EPHA3: variants seen among roughly 807,000 people sequenced by gnomAD.
The protein encoded by EPHA3 is EPH receptor A3.
A neutral mutation model predicts 107.1 loss-of-function variants in EPHA3; 42 were observed. The ratio of observed to expected loss-of-function variants is 0.39; its 90% CI spans 0.31 to 0.51. The LOEUF is 0.51. EPHA3 is among the 20% of genes least tolerant of loss of function. The probability of loss-of-function intolerance (pLI) is 0.78; values close to 1 mark genes in which losing one functional copy is unlikely to be tolerated. For synonymous variants in EPHA3, 461 were observed against 424.8 expected, an observed-to-expected ratio of 1.09 and a Z score of -1.05; for missense variants, 1,183 against 1,211.2, an observed-to-expected ratio of 0.98 and a Z score of 0.35.
chr3:89,448,624 A>G (rs982267253), intron 13 of EPHA3, among the ~76,000 whole-genome samples: 1 of 152,192 alleles, frequency 6.6e-6, no homozygotes, highest in Non-Finnish European at 1.5e-5. Context: ...GTGCTTGCCT[A>G]CTATCCAGAA....
intron 3 of EPHA3, among the ~76,000 whole-genome samples, chr3:89,325,966 AT>A (rs1180560720): frequency 6.6e-6 from 1 of 151,222 alleles, no homozygotes; most frequent in Non-Finnish European, 1.5e-5. Flanking sequence ...GAAATCTTTA[AT>A]ATAACCAAAG....
chr3:89,412,405 G>A (rs1051595876), intron 9 of EPHA3, among the ~76,000 whole-genome samples: 4 of 151,146 alleles, frequency 2.6e-5, no homozygotes, highest in East Asian at 3.9e-4. Flanking sequence ...GCTCCTTAGC[G>A]CCATTATTCA....
chr3:89,152,745 T>C (rs975125958), intron 2 of EPHA3, among the ~76,000 whole-genome samples: 1 of 152,088 alleles, frequency 6.6e-6, no homozygotes, highest in Non-Finnish European at 1.5e-5. Context: ...TTAACAAAAA[T>C]GACTGTGAAA....
chr3:89,368,841 C>T (rs995783408), intron 5 of EPHA3, among the ~76,000 whole-genome samples: 3 of 150,486 alleles, frequency 2.0e-5, no homozygotes, highest in African/African-American at 4.8e-5. Context: ...AAACAAAAAA[C>T]GCTTCACCAG....
At chr3:89,191,375 C>T (rs1411253753) in intron 2 of EPHA3, among the ~76,000 whole-genome samples, 2 of 151,678 alleles carry the variant, frequency 1.3e-5, no homozygotes, top group African/African-American at 2.4e-5. Flanking sequence ...GGCACGATCT[C>T]GGCTCACTGC....
intron 3 of EPHA3, among the ~76,000 whole-genome samples, chr3:89,289,005 A>G (rs879330706): frequency 1.3e-4 from 20 of 152,174 alleles, no homozygotes; most frequent in African/African-American, 4.3e-4. Flanking sequence ...TTATATTAAC[A>G]TGGCACCTAC....
At chr3:89,383,861 G>C (rs955223711) in intron 5 of EPHA3, among the ~76,000 whole-genome samples, 1 of 151,590 alleles carries the variant, frequency 6.6e-6, no homozygotes, top group Non-Finnish European at 1.5e-5. Context: ...TGTTAGCCAG[G>C]ATTGTCTCGA....
At chr3:89,240,727 A>C (rs1386743227) in intron 3 of EPHA3, among the ~76,000 whole-genome samples, 2 of 151,974 alleles carry the variant, frequency 1.3e-5, no homozygotes, top group Admixed American at 6.6e-5. Context: ...TATCTAACTA[A>C]ACTATAGAAA....
chr3:89,211,142 G>A (rs1293086452), intron 3 of EPHA3, among the ~76,000 whole-genome samples: 1 of 151,908 alleles, frequency 6.6e-6, no homozygotes. Flanking sequence ...TCGTTTTAGT[G>A]CTCAAAAATT....
chr3:89,396,578 G>A (rs1288620626), intron 6 of EPHA3, among the ~76,000 whole-genome samples: 1 of 152,016 alleles, frequency 6.6e-6, no homozygotes, highest in Non-Finnish European at 1.5e-5. Context: ...TAGTTATGTG[G>A]TTATTTTGCC....
chr3:89,341,905 A>G lies in EPHA3; in HGVS notation c.1121A>G (p.Glu374Gly), dbSNP rs776913752. The G allele has an allele frequency of 2.3e-5, 37 of 1,613,698 alleles. No individual in the cohort carries two copies. Among genetic ancestry groups the G allele is most frequent in the Non-Finnish European group, 3.1e-5 (37 of 1,179,984 alleles). Residue 374 changes from glutamate (E) to glycine (G), a missense_variant, in exon 5 of 17, where the codon GAG (glutamate) becomes GGG (glycine). Glu to Gly is a moderately conservative substitution (Grantham distance 98). Transcript: ENST00000336596. ...KKCGWNIKQCEPCSPNVRFLP... is the reference protein window; with the variant it reads ...KKCGWNIKQCGPCSPNVRFLP... ...TGTGGGTGGAATATAAAACAGTGTG[A>G]GCCATGCAGCCCAAATGTCCGCTTC...
intron 3 of EPHA3, among the ~76,000 whole-genome samples, chr3:89,325,917 A>G (rs1707154787): frequency 6.6e-6 from 1 of 151,234 alleles, no homozygotes; most frequent in Admixed American, 6.6e-5. Flanking sequence ...AGATTTATAT[A>G]CAGTTAAGAT....
At chr3:89,149,097 C>T (rs1704634151) in intron 2 of EPHA3, among the ~76,000 whole-genome samples, 1 of 151,894 alleles carries the variant, frequency 6.6e-6, no homozygotes, top group African/African-American at 2.4e-5. Flanking sequence ...TCCATTGAAA[C>T]AGAAGATACT....
chr3:89,408,201 G>A, intron 9 of EPHA3, 70 bp downstream of exon 9: 5 of 1,447,462 alleles, frequency 3.5e-6, no homozygotes, highest in Non-Finnish European at 4.8e-6. Flanking sequence ...ATTTACAATT[G>A]GTTAACTTCC....
At chr3:89,419,165 A>G (rs777660223) in intron 10 of EPHA3, 40 bp from the exon 11 acceptor site, 3 of 1,523,720 alleles carry the variant, frequency 2.0e-6, no homozygotes, top group Non-Finnish European at 1.8e-6. Flanking sequence ...TTTTTATTAT[A>G]GAATTCCTTA....
At chr3:89,413,394 A>G (rs182009490) in intron 10 of EPHA3, 128 bp downstream of exon 10, 9 of 1,166,290 alleles carry the variant, frequency 7.7e-6, no homozygotes, top group African/African-American at 3.0e-5. Flanking sequence ...CAAGTAATAA[A>G]TAAGTGCAAT....
At position 89,333,485 on chromosome 3, in the gene EPHA3, T is replaced by G. The variant is rs191393145; in HGVS notation, c.815-7431T>G. Reference sequence around the variant, plus strand: ...TCTGGGTGTTTTTTAAAATAAGTTTTGGTGTTTGCTCGATAATGCACAAGC... The same window carrying G: ...TCTGGGTGTTTTTTAAAATAAGTTTGGGTGTTTGCTCGATAATGCACAAGC... On this transcript the variant is annotated intron_variant, in intron 3 of 16. Transcript: ENST00000336596. 1.4e-3 allele frequency among the ~76,000 whole-genome samples: 216 copies of G among 152,324 alleles called. 2 individuals are homozygous for G. The highest frequency in any genetic ancestry group is 0.01 in the Middle Eastern group (3 of 294).
chr3:89,478,364 A>G (rs1327514291), intron 16 of EPHA3, among the ~76,000 whole-genome samples: 1 of 152,226 alleles, frequency 6.6e-6, no homozygotes, highest in Non-Finnish European at 1.5e-5. Context: ...TTTATTATAC[A>G]TCATAGTGTT....
Position 89,179,667 on chromosome 3 carries a change from TA to T in EPHA3, c.154-30178del, listed in dbSNP as rs11391439. ...ATGTTGCCAATATTTTTAAAGTCTG[TA>T]AAAAAAAAAAAAAAGATCTTCAAAA... On this transcript the variant is annotated intron_variant, in intron 2 of 16. Coordinates refer to ENST00000336596, the MANE Select transcript of EPHA3 (RefSeq NM_005233.6). Among the ~76,000 whole-genome samples, 314 of 143,568 alleles carry T rather than the reference TA, an allele frequency of 2.2e-3. 4 individuals carry two copies. In the East Asian group the frequency reaches 0.03, roughly 14 times the overall value. 94.2% of individuals were successfully genotyped at this position (143,568 alleles called of 152,430 possible).
Sources: gnomAD v4.1 joint callset for allele counts (sites outside exome capture counted in the v4.1 genomes callset) on GRCh38, gnomAD v4.1.1 for gene constraint, MANE v1.5 for transcripts, NCBI Gene and HGNC (gene_info 2026-07-23, HGNC 2026-07-21) for gene names.